RNLS: variants seen among roughly 807,000 people sequenced by gnomAD.
The protein encoded by RNLS is renalase, FAD dependent amine oxidase.
In RNLS, 39 loss-of-function variants were observed where a neutral mutation model predicts 39.8. That is an observed-to-expected ratio of 0.98 (90% CI 0.76 to 1.28). The LOEUF (loss-of-function observed/expected upper bound fraction) is 1.28. Ranked by LOEUF, RNLS falls within the 50% of genes most tolerant of loss-of-function variation. The pLI is 0.00. For missense variants in RNLS, 410 were observed against 413.3 expected (o/e 0.99, Z 0.07); for synonymous variants, 147 against 150.7 (o/e 0.98, Z 0.18).
At chr10:88,576,025 T>C (rs960641135) in intron 3 of RNLS, among the ~76,000 whole-genome samples, 3 of 152,196 alleles carry the variant, frequency 2.0e-5, no homozygotes, top group Non-Finnish European at 4.4e-5. Context: ...CTCAGCCTAA[T>C]TCCCTCTTGC....
chr10:88,472,150 C>A (rs570821212), intron 4 of RNLS, among the ~76,000 whole-genome samples: 1 of 152,250 alleles, frequency 6.6e-6, no homozygotes, highest in South Asian at 2.1e-4. Context: ...ATAACCCAGG[C>A]CTGCTGAGTT....
chr10:88,234,386 G>C, the RNLS span, among the ~76,000 whole-genome samples: 1 of 152,050 alleles, frequency 6.6e-6, no homozygotes, highest in African/African-American at 2.4e-5. Context: ...ATTCCAGGGA[G>C]TGCCCCATCT....
chr10:88,304,688 T>C (rs1429464490), intron 6 of RNLS, among the ~76,000 whole-genome samples: 1 of 151,832 alleles, frequency 6.6e-6, no homozygotes, highest in Non-Finnish European at 1.5e-5. Flanking sequence ...AAATATGGGA[T>C]TATGTAAAGA....
intron 3 of RNLS, among the ~76,000 whole-genome samples, chr10:88,573,332 T>A (rs1280391666): frequency 6.6e-6 from 1 of 152,232 alleles, no homozygotes; most frequent in East Asian, 1.9e-4. Flanking sequence ...TATAGCTACT[T>A]TTCATTAAGC....
chr10:88,481,385 A>G lies in RNLS; in HGVS notation c.526+91518T>C, dbSNP rs1028525525. ...GCCTCTTGTGTTTTTTTGTTTTTCT[A>G]TCCCTTCTTTACTGCCTTTTTTGTG... On this transcript the variant is annotated intron_variant, in intron 4 of 6. Coordinates refer to ENST00000331772, the MANE Select transcript of RNLS (RefSeq NM_001031709.3). Among the ~76,000 whole-genome samples the G allele has an allele frequency of 9.9e-5, 15 of 151,634 alleles. No homozygotes were observed. In the South Asian group the frequency reaches 2.1e-3, roughly 21 times the overall value.
At chr10:88,525,465 T>C (rs1387797548) in intron 4 of RNLS, among the ~76,000 whole-genome samples, 1 of 152,084 alleles carries the variant, frequency 6.6e-6, no homozygotes, top group Non-Finnish European at 1.5e-5. Context: ...TTATTTTTAA[T>C]TTTATTTATT....
intron 4 of RNLS, among the ~76,000 whole-genome samples, chr10:88,387,956 G>C (rs1226063883): frequency 3.3e-5 from 5 of 152,180 alleles, no homozygotes; most frequent in Non-Finnish European, 2.9e-5. Flanking sequence ...ATTTGGAAGG[G>C]GAGATGGTTG....
chr10:88,384,761 AT>A (rs1851762812), intron 4 of RNLS, among the ~76,000 whole-genome samples: 1 of 152,200 alleles, frequency 6.6e-6, no homozygotes, highest in African/African-American at 2.4e-5. Flanking sequence ...TCAGCTGTCA[AT>A]TTGAGCTTTT....
At chr10:88,210,917 A>C in the RNLS span, among the ~76,000 whole-genome samples, 1 of 152,026 alleles carries the variant, frequency 6.6e-6, no homozygotes, top group South Asian at 2.1e-4. Context: ...GCACTGAAGG[A>C]GGTTGGCCTA....
At chr10:88,310,896 C>T (rs1325443818) in intron 6 of RNLS, among the ~76,000 whole-genome samples, 1 of 144,538 alleles carries the variant, frequency 6.9e-6, no homozygotes, top group Non-Finnish European at 1.5e-5. Flanking sequence ...AGATATATAA[C>T]TACAGAAGAT....
intron 3 of RNLS, among the ~76,000 whole-genome samples, chr10:88,580,383 T>C (rs1201499609): frequency 2.0e-5 from 3 of 152,204 alleles, no homozygotes; most frequent in Non-Finnish European, 4.4e-5. Context: ...CTGACCTCTC[T>C]GATGCCCAGT....
chr10:88,248,997 A>G, the RNLS span, among the ~76,000 whole-genome samples: 2 of 152,094 alleles, frequency 1.3e-5, no homozygotes, highest in Non-Finnish European at 2.9e-5. Context: ...TAGTGTGCCA[A>G]TCCTGGGCCT....
chr10:88,418,819 A>G (rs546354314), intron 4 of RNLS, among the ~76,000 whole-genome samples: 9 of 152,326 alleles, frequency 5.9e-5, no homozygotes, highest in African/African-American at 2.2e-4. Flanking sequence ...GGGATAAAGA[A>G]GTCTTTACAA....
intron 4 of RNLS, among the ~76,000 whole-genome samples, chr10:88,382,446 A>T (rs11202736): frequency 0.27 from 40,323 of 152,036 alleles, 5,611 homozygotes; most frequent in Admixed American, 0.31. Flanking sequence ...TCACAGTAGA[A>T]TTTTTTCACA....
At chr10:88,191,919 G>A in the RNLS span, among the ~76,000 whole-genome samples, 2 of 151,768 alleles carry the variant, frequency 1.3e-5, no homozygotes, top group African/African-American at 4.8e-5. Context: ...TTGTATACCT[G>A]TTGGCATTAT....
At chr10:88,239,146 C>T in the RNLS span, among the ~76,000 whole-genome samples, 4 of 152,108 alleles carry the variant, frequency 2.6e-5, no homozygotes, top group Non-Finnish European at 5.9e-5. Context: ...AGGGGCTCTC[C>T]TGAAATGTTT....
At chr10:88,384,427 A>T (rs1851740399) in intron 4 of RNLS, among the ~76,000 whole-genome samples, 1 of 152,202 alleles carries the variant, frequency 6.6e-6, no homozygotes, top group African/African-American at 2.4e-5. Context: ...AGGCTCAGAG[A>T]GGCTAAGTAA....
rs572187126 is a variant in RNLS, at chr10:88,333,493, C to G, written c.701-18852G>C. Among the ~76,000 whole-genome samples, 9 of 152,240 alleles carry G rather than the reference C, an allele frequency of 5.9e-5. No homozygotes were observed. The East Asian group carries it at 1.7e-3, about 29-fold the overall frequency. On this transcript the variant is annotated intron_variant, in intron 5 of 6. Coordinates refer to ENST00000331772, the MANE Select transcript of RNLS (RefSeq NM_001031709.3). ...TTTAATAACGGAAACACAATCTTAC[C>G]ATAGCTATCATTTATATCTTGCTTT...
chr10:88,308,261 G>A (rs1238891479), intron 6 of RNLS, among the ~76,000 whole-genome samples: 1 of 152,094 alleles, frequency 6.6e-6, no homozygotes, highest in Non-Finnish European at 1.5e-5. Context: ...TGCGCCAAAA[G>A]CAATTGCAAC....
Sources: gnomAD v4.1 joint callset for allele counts (sites outside exome capture counted in the v4.1 genomes callset) on GRCh38, gnomAD v4.1.1 for gene constraint, MANE v1.5 for transcripts, NCBI Gene and HGNC (gene_info 2026-07-23, HGNC 2026-07-21) for gene names.